The following PDZD2 variants were observed in gnomAD, a reference collection of about 807,000 sequenced individuals.
The protein encoded by PDZD2 is PDZ domain-containing protein 2.
A neutral mutation model predicts 220.7 loss-of-function variants in PDZD2; 90 were observed. That is an observed-to-expected ratio of 0.41 (90% CI 0.34 to 0.49). PDZD2 has a LOEUF of 0.49. Among genes scored for constraint, PDZD2 ranks in the 20% least tolerant of loss-of-function variants. The pLI is 0.28. For synonymous variants in PDZD2, 1,375 were observed against 1,450.5 expected (o/e 0.95, Z 1.18); for missense variants, 3,174 against 3,608.5 (o/e 0.88, Z 3.08).
rs144545934 is a variant in PDZD2, at chr5:31,925,501, T to G, written c.477-57654T>G. On this transcript the variant is annotated intron_variant, in intron 2 of 24. Coordinates refer to ENST00000438447, the MANE Select transcript of PDZD2 (RefSeq NM_178140.4). Reference sequence around the variant, plus strand: ...GATTTAAATGTAAGACCTCAAACAGTAAGAATCCTAGAAGAAAACCTAGGA... The same window carrying G: ...GATTTAAATGTAAGACCTCAAACAGGAAGAATCCTAGAAGAAAACCTAGGA... Among the ~76,000 whole-genome samples the G allele has an allele frequency of 3.7e-3, 569 of 152,158 alleles. 5 individuals carry two copies. Among genetic ancestry groups the G allele is most frequent in the African/African-American group, 0.013 (543 of 41,520 alleles).
At chr5:31,862,350 C>T (rs556225124) in intron 2 of PDZD2, among the ~76,000 whole-genome samples, 3 of 151,940 alleles carry the variant, frequency 2.0e-5, no homozygotes, top group South Asian at 2.1e-4. Context: ...ATGATCCACC[C>T]GTCTCGGCCT....
At chr5:31,894,392 A>G (rs919814023) in intron 2 of PDZD2, among the ~76,000 whole-genome samples, 4 of 152,060 alleles carry the variant, frequency 2.6e-5, no homozygotes, top group African/African-American at 9.7e-5. Context: ...TAGGATTTCA[A>G]CAGTGGTCTC....
At chr5:31,985,403 TA>T (rs1463982107) in intron 3 of PDZD2, among the ~76,000 whole-genome samples, 3 of 152,180 alleles carry the variant, frequency 2.0e-5, no homozygotes, top group African/African-American at 7.2e-5. Flanking sequence ...GGAATGATTT[TA>T]AAACAAAGGG....
intron 2 of PDZD2, among the ~76,000 whole-genome samples, chr5:31,832,280 G>A (rs1252927431): frequency 1.5e-5 from 2 of 137,778 alleles, no homozygotes; most frequent in Non-Finnish European, 3.1e-5. Context: ...GACGAATGGA[G>A]AGTTATTAGT....
At chr5:31,980,425 T>C (rs769793700) in intron 2 of PDZD2, among the ~76,000 whole-genome samples, 6 of 152,260 alleles carry the variant, frequency 3.9e-5, no homozygotes, top group Non-Finnish European at 5.9e-5. Context: ...GTTGTTTATC[T>C]GTTCATCAGT....
intron 2 of PDZD2, among the ~76,000 whole-genome samples, chr5:31,871,632 G>A (rs1458780131): frequency 6.6e-6 from 1 of 151,226 alleles, no homozygotes; most frequent in African/African-American, 2.4e-5. Flanking sequence ...TGTATTTTTA[G>A]TAGACTGGGT....
chr5:32,054,631 G>C (rs1341557694), intron 10 of PDZD2, among the ~76,000 whole-genome samples: 1 of 151,960 alleles, frequency 6.6e-6, no homozygotes, highest in Non-Finnish European at 1.5e-5. Context: ...GGCCCTAAAT[G>C]AACATCTTTT....
intron 2 of PDZD2, among the ~76,000 whole-genome samples, chr5:31,870,287 C>T (rs1454810465): frequency 6.6e-6 from 1 of 152,120 alleles, no homozygotes; most frequent in African/African-American, 2.4e-5. Flanking sequence ...CCACCCCGGC[C>T]CCTGCAAAAA....
rs554137504 is a variant in PDZD2 at position 31,925,346 on chromosome 5, A to C, written c.477-57809A>C. Reference sequence around the variant, plus strand: ...CCGTCTGATCTTCCACAAAGTTAACAAAAAAAAAATGAGGAAAGGACTGTC... The same window carrying C: ...CCGTCTGATCTTCCACAAAGTTAACCAAAAAAAAATGAGGAAAGGACTGTC... On this transcript the variant is annotated intron_variant, in intron 2 of 24. Coordinates refer to ENST00000438447, the MANE Select transcript of PDZD2 (RefSeq NM_178140.4). 9.0e-4 allele frequency among the ~76,000 whole-genome samples: 132 copies of C among 146,964 alleles called. No individual in the cohort carries two copies. In the South Asian group the frequency reaches 0.027, roughly 30 times the overall value.
intron 2 of PDZD2, among the ~76,000 whole-genome samples, chr5:31,920,394 C>A (rs909464074): frequency 9.3e-6 from 1 of 107,874 alleles, no homozygotes; most frequent in Non-Finnish European, 2.0e-5. Flanking sequence ...ATCAACGCCC[C>A]CCCCCCCCAC....
chr5:32,078,859 C>G (rs1741620490), intron 19 of PDZD2, among the ~76,000 whole-genome samples: 1 of 151,168 alleles, frequency 6.6e-6, no homozygotes, highest in Non-Finnish European at 1.5e-5. Flanking sequence ...ATTTGGCTAC[C>G]CATCATCTAG....
rs995015599 is a variant in PDZD2 at position 31,827,935 on chromosome 5, A to T, written c.476+28211A>T. 2.6e-5 allele frequency among the ~76,000 whole-genome samples: 4 copies of T among 152,152 alleles called. No homozygotes were observed. In the East Asian group the frequency reaches 7.7e-4, roughly 29 times the overall value. On this transcript the variant is annotated intron_variant, in intron 2 of 24. Coordinates refer to ENST00000438447, the MANE Select transcript of PDZD2 (RefSeq NM_178140.4). ...CCCTGGAAACCTACTTTCTGTTCCT[A>T]TAGATTTACCTATTCCAGATATTTC...
intron 6 of PDZD2, among the ~76,000 whole-genome samples, chr5:32,015,283 G>A (rs561862579): frequency 3.3e-5 from 5 of 151,542 alleles, no homozygotes; most frequent in South Asian, 2.1e-4. Flanking sequence ...TTGCTCTGGC[G>A]GTACCCAGGC....
chr5:32,029,365 A>G (rs1405474280), intron 6 of PDZD2, among the ~76,000 whole-genome samples: 4 of 137,650 alleles, frequency 2.9e-5, no homozygotes, highest in African/African-American at 1.1e-4. Context: ...CTTTTCCACT[A>G]TAGTTTCATG....
chr5:32,071,804 G>A (rs1273978147), intron 16 of PDZD2, among the ~76,000 whole-genome samples: 1 of 152,166 alleles, frequency 6.6e-6, no homozygotes, highest in African/African-American at 2.4e-5. Context: ...CCTGGTTTTT[G>A]TTCACCATTT....
intron 1 of PDZD2, among the ~76,000 whole-genome samples, chr5:31,789,775 G>A (rs187740320): frequency 2.4e-4 from 36 of 152,180 alleles, no homozygotes; most frequent in African/African-American, 7.9e-4. Context: ...AAAACTAGCC[G>A]GGTGTGGTGG....
At chr5:31,665,647 C>CCA (rs895849857) in intron 1 of PDZD2, among the ~76,000 whole-genome samples, 2 of 112,662 alleles carry the variant, frequency 1.8e-5, no homozygotes, top group Admixed American at 9.5e-5. Flanking sequence ...TTCCCCCTCC[C>CCA]CCCCCTCCCT....
chr5:32,024,687 A>G (rs1450235469), intron 6 of PDZD2, among the ~76,000 whole-genome samples: 5 of 105,192 alleles, frequency 4.8e-5, no homozygotes, highest in African/African-American at 1.1e-4. Context: ...CATCTCAAAA[A>G]AAAAAAGAAA....
intron 1 of PDZD2, chr5:31,738,142 G>C (rs552270098): frequency 6.6e-6 from 1 of 152,332 alleles, no homozygotes; most frequent in Non-Finnish European, 1.5e-5. Context: ...TTTCGTTCCA[G>C]AGAGCTGAGA....
Sources: allele counts gnomAD v4.1 joint callset (sites outside exome capture counted in the v4.1 genomes callset), GRCh38; gene constraint gnomAD v4.1.1; transcripts MANE v1.5; gene names NCBI Gene and HGNC (gene_info 2026-07-23, HGNC 2026-07-21).